The following LRRC4C variants were observed in gnomAD, a reference collection of about 807,000 sequenced individuals.
The protein encoded by LRRC4C is leucine rich repeat containing 4C.
In LRRC4C, 5 loss-of-function variants were observed where a neutral mutation model predicts 33.6. That is an observed-to-expected ratio of 0.15 (90% confidence interval 0.08 to 0.31). The LOEUF is 0.31. LRRC4C is among the 10% of genes least tolerant of loss of function. The pLI is 1.00. For missense variants in LRRC4C, 560 were observed against 796.7 expected, an observed-to-expected ratio of 0.70 and a Z score of 3.58; for synonymous variants, 329 against 302.0, an observed-to-expected ratio of 1.09 and a Z score of -0.93.
At position 40,589,544 on chromosome 11, in the gene LRRC4C, C is replaced by T. The variant is rs1182260666; in HGVS notation, c.-270+58598G>A. On this transcript the variant is annotated intron_variant, in intron 3 of 6. Transcript: ENST00000528697. Reference sequence around the variant, plus strand: ...TATGATGTTAGCTGGTTATTTTGCTCGTTAGTTGATGCAGTTTCTTCCTAG... The same window carrying T: ...TATGATGTTAGCTGGTTATTTTGCTTGTTAGTTGATGCAGTTTCTTCCTAG... 1.1e-4 allele frequency among the ~76,000 whole-genome samples: 16 copies of T among 148,872 alleles called. No homozygotes were observed. In the East Asian group the frequency reaches 1.6e-3, roughly 15 times the overall value.
At chr11:41,021,488 T>G (rs1289752045) in intron 1 of LRRC4C, among the ~76,000 whole-genome samples, 1 of 152,090 alleles carries the variant, frequency 6.6e-6, no homozygotes, top group African/African-American at 2.4e-5. Context: ...CCTAAGTGGA[T>G]GCAAGATTTT....
intron 1 of LRRC4C, among the ~76,000 whole-genome samples, chr11:41,231,250 C>T (rs1947779515): frequency 6.6e-6 from 1 of 152,032 alleles, no homozygotes; most frequent in African/African-American, 2.4e-5. Context: ...TTGACCCAGC[C>T]ATCCCATTAC....
chr11:40,129,339 C>T (rs1249705585), intron 6 of LRRC4C, among the ~76,000 whole-genome samples: 4 of 152,174 alleles, frequency 2.6e-5, no homozygotes, highest in Non-Finnish European at 5.9e-5. Flanking sequence ...AAGATCATCT[C>T]ACTGTCTCTT....
chr11:41,155,277 T>C (rs1487037952), intron 1 of LRRC4C, among the ~76,000 whole-genome samples: 1 of 152,100 alleles, frequency 6.6e-6, no homozygotes, highest in East Asian at 1.9e-4. Flanking sequence ...CTATTTTTTG[T>C]GAACCTAGGA....
chr11:41,015,452 C>T (rs1157479921), intron 1 of LRRC4C, among the ~76,000 whole-genome samples: 1 of 152,088 alleles, frequency 6.6e-6, no homozygotes, highest in Non-Finnish European at 1.5e-5. Context: ...CCTCAGCCTC[C>T]TGAGTAGCTG....
intron 3 of LRRC4C, among the ~76,000 whole-genome samples, chr11:40,504,590 T>G (rs143651309): frequency 6.6e-6 from 1 of 152,134 alleles, no homozygotes; most frequent in Non-Finnish European, 1.5e-5. Flanking sequence ...TGGATTTAAG[T>G]TGGGCAGAAA....
At chr11:41,456,477 A>T (rs1054959137) in intron 1 of LRRC4C, among the ~76,000 whole-genome samples, 12 of 152,088 alleles carry the variant, frequency 7.9e-5, no homozygotes, top group Non-Finnish European at 1.3e-4. Flanking sequence ...CTGGGTCTTA[A>T]AAACACAGAA....
intron 1 of LRRC4C, among the ~76,000 whole-genome samples, chr11:41,253,283 G>A (rs1008514456): frequency 2.0e-5 from 3 of 151,930 alleles, no homozygotes. Context: ...GAATTCTCTT[G>A]GCTAATTCTT....
chr11:40,831,133 C>T (rs1952394432), intron 2 of LRRC4C, among the ~76,000 whole-genome samples: 2 of 152,078 alleles, frequency 1.3e-5, no homozygotes, highest in Admixed American at 1.3e-4. Context: ...AAGCTTGCAG[C>T]TGGAATCTTC....
chr11:40,642,586 CTG>C (rs1942188475), intron 3 of LRRC4C, among the ~76,000 whole-genome samples: 1 of 152,160 alleles, frequency 6.6e-6, no homozygotes, highest in African/African-American at 2.4e-5. Context: ...TATTTTATCA[CTG>C]TTAATGGCCC....
chr11:40,728,048 AATG>A (rs143813214), intron 2 of LRRC4C, among the ~76,000 whole-genome samples: 27,373 of 151,956 alleles, frequency 0.18, 2,538 homozygotes, highest in Non-Finnish European at 0.2. Context: ...CAGGAAAAAT[AATG>A]AACATCACGA....
intron 4 of LRRC4C, among the ~76,000 whole-genome samples, chr11:40,250,844 G>A (rs1042919343): frequency 6.6e-6 from 1 of 152,010 alleles, no homozygotes; most frequent in Non-Finnish European, 1.5e-5. Context: ...CCACATATTT[G>A]GACTGAAGAC....
At chr11:40,643,661 T>C (rs1057462217) in intron 3 of LRRC4C, among the ~76,000 whole-genome samples, 9 of 152,236 alleles carry the variant, frequency 5.9e-5, no homozygotes, top group Admixed American at 3.9e-4. Flanking sequence ...GGTGAACAAG[T>C]TGGTAATAGT....
At position 40,831,808 on chromosome 11, in the gene LRRC4C, A is replaced by G. The variant is rs550320531; in HGVS notation, c.-407+101827T>C. On this transcript the variant is annotated intron_variant, in intron 2 of 6. Coordinates refer to ENST00000528697, the MANE Select transcript of LRRC4C (RefSeq NM_001258419.2). The stretch of plus-strand genomic sequence containing the variant: ...GATCTCATGAAATATATTCACTATC[A>G]CAAGAACAGCATGGGAGAAACCTGC... Among the ~76,000 whole-genome samples the G allele has an allele frequency of 4.6e-5, 7 of 152,178 alleles. No homozygotes were observed. In the East Asian group the frequency reaches 9.7e-4, roughly 21 times the overall value.
intron 3 of LRRC4C, among the ~76,000 whole-genome samples, chr11:40,357,505 G>A (rs766933255): frequency 1.3e-5 from 2 of 152,066 alleles, no homozygotes; most frequent in South Asian, 2.1e-4. Flanking sequence ...GAACAGAGAC[G>A]GTGCAGGAAA....
chr11:41,145,287 C>G (rs972606604), intron 1 of LRRC4C, among the ~76,000 whole-genome samples: 1 of 152,124 alleles, frequency 6.6e-6, no homozygotes, highest in Admixed American at 6.6e-5. Flanking sequence ...TACCATAATA[C>G]TATTTTCATT....
At chr11:40,903,579 G>A (rs1461033750) in intron 2 of LRRC4C, among the ~76,000 whole-genome samples, 2 of 152,156 alleles carry the variant, frequency 1.3e-5, no homozygotes, top group Non-Finnish European at 2.9e-5. Flanking sequence ...CATTCTAGAT[G>A]CCATTGAGAA....
At chr11:40,386,395 T>C (rs1473227652) in intron 3 of LRRC4C, among the ~76,000 whole-genome samples, 1 of 152,168 alleles carries the variant, frequency 6.6e-6, no homozygotes, top group Non-Finnish European at 1.5e-5. Flanking sequence ...TTGTCTGACT[T>C]GATTAGATAA....
chr11:41,282,569 C>G (rs1437564395), intron 1 of LRRC4C, among the ~76,000 whole-genome samples: 1 of 152,172 alleles, frequency 6.6e-6, no homozygotes, highest in Non-Finnish European at 1.5e-5. Context: ...TGAAGACAGT[C>G]CTCCTCCTAA....
Sources: allele counts gnomAD v4.1 joint callset (sites outside exome capture counted in the v4.1 genomes callset), GRCh38; gene constraint gnomAD v4.1.1; transcripts MANE v1.5; gene names NCBI Gene and HGNC (gene_info 2026-07-23, HGNC 2026-07-21).